Variants in LNX2 observed in about 807,000 individuals in gnomAD.
LNX2 encodes ligand of numb-protein X 2.
LNX2 carries 35 observed loss-of-function variants against 66.2 expected under a neutral mutation model. The observed-to-expected ratio is 0.53, with a 90% confidence interval of 0.40 to 0.70. The LOEUF (loss-of-function observed/expected upper bound fraction) is 0.70. Ranked by LOEUF, LNX2 falls within the 30% of genes least tolerant of loss-of-function variation. The pLI is 0.00. For synonymous variants in LNX2, 337 were observed against 315.6 expected, an observed-to-expected ratio of 1.07 and a Z score of -0.72; for missense variants, 791 against 850.8, an observed-to-expected ratio of 0.93 and a Z score of 0.87.
In LNX2 at chr13:27,562,757, C is replaced by T; in HGVS notation, c.880G>A (p.Val294Met). The T allele has an allele frequency of 6.2e-7, 1 of 1,611,972 alleles. No homozygotes were observed. The highest frequency in any genetic ancestry group is 8.5e-7 in the Non-Finnish European group (1 of 1,178,622). Residue 294 changes from valine to methionine, a missense_variant, in exon 5 of 10, where the codon GTG becomes ATG. Physicochemically the swap from Val to Met is conservative, Grantham distance 21. Coordinates refer to ENST00000316334, the MANE Select transcript of LNX2 (RefSeq NM_153371.4). The part of the protein sequence containing the change: ...LQVNNYNISN[V>M]SHNYARAVLS... Reference sequence around the variant, plus strand: ...ACAGCTCGGGCATAGTTATGGGACACATTGCTGATATTGTAGTTGTTGACC... The same window carrying T: ...ACAGCTCGGGCATAGTTATGGGACATATTGCTGATATTGTAGTTGTTGACC...
At chr13:27,563,517 A>G (rs940544359) in intron 4 of LNX2, among the ~76,000 whole-genome samples, 5 of 152,228 alleles carry the variant, frequency 3.3e-5, no homozygotes, top group Non-Finnish European at 7.4e-5. Flanking sequence ...AATCTCAAAA[A>G]AAGTATAGTG....
intron 2 of LNX2, among the ~76,000 whole-genome samples, chr13:27,579,747 A>G (rs1445585241): frequency 6.6e-6 from 1 of 152,198 alleles, no homozygotes; most frequent in African/African-American, 2.4e-5. Flanking sequence ...AAAGAAGCCT[A>G]TACACTGAAA....
chr13:27,577,783 AAAC>A (rs964575863), intron 2 of LNX2, among the ~76,000 whole-genome samples: 6 of 152,344 alleles, frequency 3.9e-5, no homozygotes, highest in South Asian at 4.1e-4. Context: ...CACAATTTAA[AAAC>A]AACAACAACA....
chr13:27,571,550 C>G (rs1486853843), intron 2 of LNX2, among the ~76,000 whole-genome samples: 3 of 151,994 alleles, frequency 2.0e-5, no homozygotes, highest in African/African-American at 4.8e-5. Context: ...TGAAAATGTT[C>G]TAAAAATTGG....
intron 7 of LNX2, among the ~76,000 whole-genome samples, chr13:27,553,975 G>A (rs926271489): frequency 2.6e-5 from 4 of 152,200 alleles, no homozygotes; most frequent in Admixed American, 6.5e-5. Context: ...CGGTTTGAAT[G>A]TCTTCCCTGT....
Position 27,556,420 on chromosome 13 carries a change from C to A in LNX2, c.1369-7G>T, listed in dbSNP as rs1264354824. On this transcript the variant is annotated splice_region_variant and splice_polypyrimidine_tract_variant and intron_variant, in intron 6 of 9. Transcript: ENST00000316334. The stretch of plus-strand genomic sequence containing the variant: ...TAACACACTGAGTAAGATCCTAAAA[C>A]ATACAAGAAAAAAATCATTGGATAA... The A allele has an allele frequency of 1.9e-6, 3 of 1,609,268 alleles. No individual in the cohort carries two copies. Among genetic ancestry groups the A allele is most frequent in the Admixed American group, 1.7e-5 (1 of 59,098 alleles).
At chr13:27,594,647 C>T (rs913996146) in intron 1 of LNX2, among the ~76,000 whole-genome samples, 2 of 152,146 alleles carry the variant, frequency 1.3e-5, no homozygotes, top group African/African-American at 4.8e-5. Flanking sequence ...ATATCTGCCT[C>T]ACACTTGTGT....
chr13:27,552,434 ATT>A (rs1468392460), intron 8 of LNX2, among the ~76,000 whole-genome samples: 1 of 152,218 alleles, frequency 6.6e-6, no homozygotes, highest in Non-Finnish European at 1.5e-5. Flanking sequence ...GCAAATTCTT[ATT>A]GTTTTATTTT....
At position 27,583,214 on chromosome 13, in the gene LNX2, G is replaced by C. The variant is rs1408992230; in HGVS notation, c.-100-1411C>G. Among the ~76,000 whole-genome samples, 36 of 16,926 alleles carry C rather than the reference G, an allele frequency of 2.1e-3. 4 individuals are homozygous for C. The highest frequency in any genetic ancestry group is 0.017 in the African/African-American group (27 of 1,626). 11.1% of individuals were successfully genotyped at this position (16,926 alleles called of 152,430 possible). On this transcript the variant is annotated intron_variant, in intron 1 of 9. Coordinates refer to ENST00000316334, the MANE Select transcript of LNX2 (RefSeq NM_153371.4). ...TGTGTGTGTGTGTGTGTGTGTGTGT[G>C]TGTGTGTGTGTGTGTGTGTGTGTGT...
chr13:27,562,971 C>T (rs760834737), intron 4 of LNX2, among the ~76,000 whole-genome samples, 190 bp from the exon 5 acceptor site: 1 of 152,154 alleles, frequency 6.6e-6, no homozygotes, highest in Non-Finnish European at 1.5e-5. Context: ...CTAATATTAA[C>T]TTACAGTGAC....
chr13:27,576,371 C>G (rs1369456522), intron 2 of LNX2, among the ~76,000 whole-genome samples: 1 of 152,024 alleles, frequency 6.6e-6, no homozygotes, highest in Non-Finnish European at 1.5e-5. Context: ...ACATTATTCC[C>G]AAGTACACAC....
chr13:27,583,220 G>GTCCTCTCCAATATAACTT lies in LNX2; in HGVS notation c.-100-1418_-100-1417insAAGTTATATTGGAGAGGA, dbSNP rs1566124738. On this transcript the variant is annotated intron_variant, in intron 1 of 9. Transcript: ENST00000316334. ...TGTGTGTGTGTGTGTGTGTGTGTGT[G>GTCCTCTCCAATATAACTT]TGTGTGTGTGTGTGTGTGTGTGTGT... 2.3e-3 allele frequency among the ~76,000 whole-genome samples: 43 copies of GTCCTCTCCAATATAACTT among 18,414 alleles called. 4 individuals are homozygous for GTCCTCTCCAATATAACTT. Among genetic ancestry groups the GTCCTCTCCAATATAACTT allele is most frequent in the East Asian group, 0.015 (10 of 656 alleles). 12.1% of individuals were successfully genotyped at this position (18,414 alleles called of 152,430 possible). A position where few individuals can be genotyped will look rare whatever the true frequency, so the allele number is the denominator to read the frequency against.
At chr13:27,612,875 A>G (rs1955787015) in intron 1 of LNX2, among the ~76,000 whole-genome samples, 1 of 152,188 alleles carries the variant, frequency 6.6e-6, no homozygotes. Flanking sequence ...GCCTGGTCGA[A>G]TTATTTTTAA....
intron 1 of LNX2, among the ~76,000 whole-genome samples, chr13:27,592,493 T>G (rs1291750903): frequency 1.3e-5 from 2 of 152,162 alleles, no homozygotes; most frequent in Non-Finnish European, 2.9e-5. Context: ...AAATTTGGAC[T>G]GCCTGTTAGA....
At chr13:27,583,043 C>A (rs1593252490) in intron 1 of LNX2, among the ~76,000 whole-genome samples, 3 of 152,098 alleles carry the variant, frequency 2.0e-5, no homozygotes, top group Admixed American at 2.0e-4. Flanking sequence ...AAGTACAATA[C>A]TATTTTATTC....
upstream of LNX2, chr13:27,620,710 AGG>A (rs1363611145): frequency 6.6e-6 from 1 of 152,244 alleles, no homozygotes; most frequent in Non-Finnish European, 1.5e-5. Context: ...GCGGGCCAGA[AGG>A]GACCCGTCAC....
intron 2 of LNX2, among the ~76,000 whole-genome samples, chr13:27,571,012 C>T (rs970022395): frequency 6.6e-6 from 1 of 152,120 alleles, no homozygotes; most frequent in African/African-American, 2.4e-5. Flanking sequence ...TACTTACAGT[C>T]CCAGTGAGAC....
rs1170612122 is a variant in LNX2 at position 27,569,083 on chromosome 13, T to A, written c.601A>T (p.Ser201Cys). ...HLTSASLSTWSEEPGLDNPAF... is the reference protein window; with the variant it reads ...HLTSASLSTWCEEPGLDNPAF... Reference sequence around the variant, plus strand: ...GGGTTGTCAAGGCCAGGCTCCTCACTCCATGTGGAAAGAGACGCTGATGTC... The same window carrying A: ...GGGTTGTCAAGGCCAGGCTCCTCACACCATGTGGAAAGAGACGCTGATGTC... The change falls in exon 3 of 10, where the codon AGT becomes TGT. Residue 201 changes from serine (S) to cysteine (C), a missense_variant. Ser to Cys is a moderately radical substitution (Grantham distance 112). Coordinates refer to ENST00000316334, the MANE Select transcript of LNX2 (RefSeq NM_153371.4). 1.9e-6 allele frequency: 3 copies of A among 1,613,624 alleles called. No individual in the cohort carries two copies. The African/African-American group carries it at 4.0e-5, about 22-fold the overall frequency.
In LNX2 at chr13:27,562,669, C is replaced by A. The variant is rs146404836; in HGVS notation, c.968G>T (p.Arg323Leu). 1.2e-6 allele frequency: 2 copies of A among 1,614,098 alleles called. No homozygotes were observed. Among genetic ancestry groups the A allele is most frequent in the Non-Finnish European group, 1.7e-6 (2 of 1,180,020 alleles). ...TVLRERRFGNRAHNHSDSNSP... is the reference protein window; with the variant it reads ...TVLRERRFGNLAHNHSDSNSP... The stretch of plus-strand genomic sequence containing the variant: ...GTTACTATCAGAATGGTTGTGTGCT[C>A]GGTTGCCAAAGCGCCTCTCTCGAAG... Residue 323 changes from arginine to leucine, a missense_variant, in exon 5 of 10, where the codon CGA becomes CTA. Transcript: ENST00000316334.
Sources: gnomAD v4.1 joint callset for allele counts (sites outside exome capture counted in the v4.1 genomes callset) on GRCh38, gnomAD v4.1.1 for gene constraint, MANE v1.5 for transcripts, NCBI Gene and HGNC (gene_info 2026-07-23, HGNC 2026-07-21) for gene names.